ADAMTS3: variants seen among roughly 807,000 people sequenced by gnomAD.
The protein encoded by ADAMTS3 is A disintegrin and metalloproteinase with thrombospondin motifs 3.
In ADAMTS3, 73 loss-of-function variants were observed where a neutral mutation model predicts 129.0. The ratio of observed to expected loss-of-function variants is 0.57; its 90% CI spans 0.47 to 0.69. ADAMTS3 has a LOEUF of 0.69. Ranked by LOEUF, ADAMTS3 falls within the 30% of genes least tolerant of loss-of-function variation. The pLI, the probability that ADAMTS3 is intolerant of heterozygous loss-of-function variation, is 0.00. For synonymous variants in ADAMTS3, 477 were observed against 510.8 expected, an observed-to-expected ratio of 0.93 and a Z score of 0.89; for missense variants, 1,457 against 1,514.5, an observed-to-expected ratio of 0.96 and a Z score of 0.63.
At chr4:72,367,392 C>T (rs1042549619) in intron 4 of ADAMTS3, among the ~76,000 whole-genome samples, 2 of 151,954 alleles carry the variant, frequency 1.3e-5, no homozygotes, top group Non-Finnish European at 2.9e-5. Flanking sequence ...ATATTAACAG[C>T]AACAAGTTTT....
intron 4 of ADAMTS3, among the ~76,000 whole-genome samples, chr4:72,376,899 G>T (rs149465561): frequency 6.6e-6 from 1 of 152,288 alleles, no homozygotes; most frequent in Non-Finnish European, 1.5e-5. Context: ...CACTGTGTGA[G>T]TGTAAGCCTG....
intron 3 of ADAMTS3, among the ~76,000 whole-genome samples, chr4:72,546,185 T>A (rs990270759): frequency 1.3e-5 from 2 of 152,174 alleles, no homozygotes; most frequent in Non-Finnish European, 2.9e-5. Flanking sequence ...ATGTCTCTGA[T>A]ATTAACCAGA....
At chr4:72,435,916 G>A (rs2109953939) in intron 3 of ADAMTS3, among the ~76,000 whole-genome samples, 1 of 151,970 alleles carries the variant, frequency 6.6e-6, no homozygotes, top group Non-Finnish European at 1.5e-5. Flanking sequence ...GAAAACCTAG[G>A]CAATACCATT....
At chr4:72,327,162 T>C (rs1336841150) in intron 5 of ADAMTS3, among the ~76,000 whole-genome samples, 1 of 152,030 alleles carries the variant, frequency 6.6e-6, no homozygotes, top group African/African-American at 2.4e-5. Context: ...GATTACAAAA[T>C]TACATAGGCA....
intron 3 of ADAMTS3, among the ~76,000 whole-genome samples, chr4:72,444,622 A>G (rs186028058): frequency 3.3e-5 from 5 of 151,790 alleles, no homozygotes; most frequent in African/African-American, 1.2e-4. Flanking sequence ...AGTGGTCAGT[A>G]AACAAAGTCT....
At chr4:72,496,350 G>A (rs1349088726) in intron 3 of ADAMTS3, among the ~76,000 whole-genome samples, 1 of 152,178 alleles carries the variant, frequency 6.6e-6, no homozygotes, top group Non-Finnish European at 1.5e-5. Flanking sequence ...TTTTAGAGAT[G>A]TTTTACCAGT....
At chr4:72,546,616 G>C (rs1015329299) in intron 3 of ADAMTS3, among the ~76,000 whole-genome samples, 5 of 152,092 alleles carry the variant, frequency 3.3e-5, no homozygotes, top group African/African-American at 1.2e-4. Flanking sequence ...TTAGCAAGGA[G>C]ATGCTGTTCT....
chr4:72,425,889 G>C (rs1164411031), intron 3 of ADAMTS3, among the ~76,000 whole-genome samples: 1 of 151,664 alleles, frequency 6.6e-6, no homozygotes, highest in Admixed American at 6.6e-5. Flanking sequence ...TCTAGTTCTA[G>C]ATCCCTGAGG....
intron 2 of ADAMTS3, among the ~76,000 whole-genome samples, chr4:72,554,104 T>G (rs2251059): frequency 0.96 from 146,825 of 152,196 alleles, 71,058 homozygotes; most frequent in East Asian, 1. Context: ...TTAATGTAAT[T>G]CCTTCTTCCT....
chr4:72,563,498 T>C (rs1201489472), intron 2 of ADAMTS3, among the ~76,000 whole-genome samples: 1 of 152,160 alleles, frequency 6.6e-6, no homozygotes, highest in Non-Finnish European at 1.5e-5. Context: ...AAGTAGGCTG[T>C]AGTTAAAAAA....
At chr4:72,377,953 A>G (rs1044997908) in intron 4 of ADAMTS3, among the ~76,000 whole-genome samples, 14 of 152,140 alleles carry the variant, frequency 9.2e-5, no homozygotes, top group Admixed American at 2.0e-4. Flanking sequence ...GAATACTACA[A>G]ACTGAGCTCA....
At chr4:72,509,940 G>T (rs927079937) in intron 3 of ADAMTS3, among the ~76,000 whole-genome samples, 9 of 152,008 alleles carry the variant, frequency 5.9e-5, no homozygotes, top group African/African-American at 2.2e-4. Context: ...TTATCCCTGG[G>T]ATTCAAGGAT....
At chr4:72,494,890 T>A (rs1221658948) in intron 3 of ADAMTS3, among the ~76,000 whole-genome samples, 2 of 152,152 alleles carry the variant, frequency 1.3e-5, no homozygotes, top group Non-Finnish European at 2.9e-5. Flanking sequence ...ACTATGAGGA[T>A]CTTCAGCAGC....
chr4:72,526,777 T>C lies in ADAMTS3; in HGVS notation c.504+21701A>G, dbSNP rs1468377213. 1.6e-3 allele frequency among the ~76,000 whole-genome samples: 139 copies of C among 86,034 alleles called. 1 individual carries two copies. The highest frequency in any genetic ancestry group is 6.0e-3 in the African/African-American group (134 of 22,196). 56.4% of individuals were successfully genotyped at this position (86,034 alleles called of 152,430 possible). A position where few individuals can be genotyped will look rare whatever the true frequency, so the allele number is the denominator to read the frequency against. On this transcript the variant is annotated intron_variant, in intron 3 of 21. Transcript: ENST00000286657. ...ATATATATATATATATATATATATATAGACAGAGAGAGAGAGAGAGAGAGA... is the reference window on the plus strand; with the variant it reads ...ATATATATATATATATATATATATACAGACAGAGAGAGAGAGAGAGAGAGA...
chr4:72,484,768 A>G (rs1217122962), intron 3 of ADAMTS3, among the ~76,000 whole-genome samples: 1 of 152,164 alleles, frequency 6.6e-6, no homozygotes, highest in Non-Finnish European at 1.5e-5. Flanking sequence ...GCCTACCTTA[A>G]AGGTAGATAC....
chr4:72,547,943 G>A (rs963866493), intron 3 of ADAMTS3, among the ~76,000 whole-genome samples: 8 of 152,082 alleles, frequency 5.3e-5, no homozygotes, highest in Non-Finnish European at 7.4e-5. Flanking sequence ...AAGAATTGAA[G>A]CCACCGCACA....
intron 3 of ADAMTS3, among the ~76,000 whole-genome samples, chr4:72,491,662 T>G (rs188341447): frequency 1.3e-5 from 2 of 151,928 alleles, no homozygotes; most frequent in East Asian, 3.9e-4. Flanking sequence ...TGCTGTTGAT[T>G]AGGGTTACTG....
intron 3 of ADAMTS3, among the ~76,000 whole-genome samples, chr4:72,536,666 G>A (rs1560557327): frequency 6.6e-6 from 1 of 152,062 alleles, no homozygotes; most frequent in Non-Finnish European, 1.5e-5. Flanking sequence ...TCATGAGGCT[G>A]GTAAGTGATA....
chr4:72,470,606 C>T (rs1719047175), intron 3 of ADAMTS3, among the ~76,000 whole-genome samples: 1 of 151,868 alleles, frequency 6.6e-6, no homozygotes, highest in African/African-American at 2.4e-5. Flanking sequence ...GACCCATTCT[C>T]TTAAAGGGGC....
Sources: allele counts gnomAD v4.1 joint callset (sites outside exome capture counted in the v4.1 genomes callset), GRCh38; gene constraint gnomAD v4.1.1; transcripts MANE v1.5; gene names NCBI Gene and HGNC (gene_info 2026-07-23, HGNC 2026-07-21).